The following ZFTRAF1 variants were observed in gnomAD, a reference collection of about 807,000 sequenced individuals.
ZFTRAF1 encodes the protein zinc finger TRAF-type and ring finger containing 1.
At chr8:144,454,259 C>T in the ZFTRAF1 span, 1 of 152,304 alleles carries the variant, frequency 6.6e-6, no homozygotes, top group African/African-American at 2.4e-5. Context: ...CGAGCGTCCA[C>T]TTGGTGCCAC....
At chr8:144,454,904 G>A in the ZFTRAF1 span, 1 of 152,302 alleles carries the variant, frequency 6.6e-6, no homozygotes, top group Non-Finnish European at 1.5e-5. Context: ...AAGGCCTGCT[G>A]AGTCAAAGGA....
chr8:144,453,020 T>A, the ZFTRAF1 span, among the ~76,000 whole-genome samples: 1 of 152,188 alleles, frequency 6.6e-6, no homozygotes, highest in Non-Finnish European at 1.5e-5. Context: ...CATGTCCGGA[T>A]AACAACTGGG....
At chr8:144,450,853 G>T in the ZFTRAF1 span, 2 of 614,866 alleles carry the variant, frequency 3.3e-6, no homozygotes, top group South Asian at 3.8e-5. Flanking sequence ...ACCAGGCCGA[G>T]GGCAGGCTCA....
At chr8:144,450,359 G>A in the ZFTRAF1 span, 8 of 706,998 alleles carry the variant, frequency 1.1e-5, no homozygotes, top group Middle Eastern at 2.3e-4. Context: ...TGGGCTCCTC[G>A]GACATCCTGA....
At chr8:144,452,090 T>TGAAGCCAGGGTGGC in the ZFTRAF1 span, 1 of 512,752 alleles carries the variant, frequency 2.0e-6, no homozygotes, top group Non-Finnish European at 3.6e-6. Flanking sequence ...GCAGGGATGG[T>TGAAGCCAGGGTGGC]GAAGCCAGGG....
At chr8:144,462,855 G>GT in the ZFTRAF1 span, 1 of 152,560 alleles carries the variant, frequency 6.6e-6, no homozygotes, top group Non-Finnish European at 1.5e-5. Context: ...CGCCATCTTT[G>GT]TTTTCGCTGT....
At chr8:144,462,407 G>T in the ZFTRAF1 span, 1 of 373,140 alleles carries the variant, frequency 2.7e-6, no homozygotes. Context: ...CGCCTCGGCT[G>T]CCCGCAGCCG....
chr8:144,461,233 A>T, the ZFTRAF1 span, among the ~76,000 whole-genome samples: 7 of 152,354 alleles, frequency 4.6e-5, no homozygotes, highest in South Asian at 1.2e-3. Context: ...CAGGCCCCCA[A>T]TTCAAACACA....
the ZFTRAF1 span, among the ~76,000 whole-genome samples, chr8:144,459,770 C>G: frequency 6.6e-6 from 1 of 152,232 alleles, no homozygotes; most frequent in Admixed American, 6.5e-5. Context: ...TCACCAGAGT[C>G]AGGGACTGTC....
chr8:144,452,329 T>A, the ZFTRAF1 span: 15 of 1,544,384 alleles, frequency 9.7e-6, no homozygotes, highest in East Asian at 3.7e-4. Flanking sequence ...CACACCTGTG[T>A]GGCATGCAGC....
chr8:144,453,933 G>C, the ZFTRAF1 span: 1 of 164,308 alleles, frequency 6.1e-6, no homozygotes, highest in Admixed American at 5.6e-5. Context: ...CATTTATCCT[G>C]GGTTGAGAGG....
At chr8:144,461,594 A>T in the ZFTRAF1 span, among the ~76,000 whole-genome samples, 1 of 152,094 alleles carries the variant, frequency 6.6e-6, no homozygotes, top group Non-Finnish European at 1.5e-5. Context: ...GGTGGGCAGG[A>T]GCCTAGCGTG....
At chr8:144,462,310 C>A in the ZFTRAF1 span, 2 of 600,182 alleles carry the variant, frequency 3.3e-6, no homozygotes, top group Non-Finnish European at 6.0e-6. Flanking sequence ...TGGGCAGGTC[C>A]AGGCACACGG....
chr8:144,460,648 C>T, the ZFTRAF1 span, among the ~76,000 whole-genome samples: 1 of 152,176 alleles, frequency 6.6e-6, no homozygotes, highest in African/African-American at 2.4e-5. Context: ...TTCAGAAGGC[C>T]GAGGCAGGCG....
the ZFTRAF1 span, among the ~76,000 whole-genome samples, chr8:144,458,669 G>A: frequency 9.9e-5 from 15 of 152,162 alleles, no homozygotes; most frequent in African/African-American, 2.7e-4. Context: ...GGAGGGCCAC[G>A]GCACACACCA....
the ZFTRAF1 span, chr8:144,453,534 C>T: frequency 1.5e-6 from 2 of 1,344,802 alleles, no homozygotes; most frequent in Non-Finnish European, 2.0e-6. Context: ...CCATGCCCAT[C>T]AGCTCCAGCC....
the ZFTRAF1 span, chr8:144,453,863 T>C: frequency 1.6e-5 from 3 of 190,072 alleles, no homozygotes; most frequent in Non-Finnish European, 3.4e-5. Flanking sequence ...CACTGTCAGG[T>C]GGGGAGCGGA....
chr8:144,462,038 C>T, the ZFTRAF1 span, among the ~76,000 whole-genome samples: 1 of 152,094 alleles, frequency 6.6e-6, no homozygotes, highest in Non-Finnish European at 1.5e-5. Context: ...CGGGAAGTAC[C>T]GTGGATCAGA....
chr8:144,461,797 G>A, the ZFTRAF1 span, among the ~76,000 whole-genome samples: 1 of 152,230 alleles, frequency 6.6e-6, no homozygotes, highest in Non-Finnish European at 1.5e-5. Flanking sequence ...GGCGTCCATA[G>A]GATGTTCAGG....
Sources: allele counts gnomAD v4.1 joint callset (sites outside exome capture counted in the v4.1 genomes callset), GRCh38; gene constraint gnomAD v4.1.1; transcripts MANE v1.5; gene names NCBI Gene and HGNC (gene_info 2026-07-23, HGNC 2026-07-21).